SLC9A2: variants seen among roughly 807,000 people sequenced by gnomAD.
The protein encoded by SLC9A2 is solute carrier family 9 member A2, also known as sodium/hydrogen exchanger 2.
In SLC9A2, 42 loss-of-function variants were observed where a neutral mutation model predicts 71.7. The ratio of observed to expected loss-of-function variants is 0.59; its 90% CI spans 0.46 to 0.76. The LOEUF (loss-of-function observed/expected upper bound fraction) is 0.76, where lower values mean the gene tolerates loss of function less well. Ranked by LOEUF, SLC9A2 falls within the 30% of genes least tolerant of loss-of-function variation. The pLI, the probability that SLC9A2 is intolerant of heterozygous loss-of-function variation, is 0.00. For synonymous variants in SLC9A2, 396 were observed against 392.5 expected, an observed-to-expected ratio of 1.01 and a Z score of -0.10; for missense variants, 829 against 1,017.4, an observed-to-expected ratio of 0.81 and a Z score of 2.52.
At chr2:102,704,517 A>G in intron 9 of SLC9A2, 27 bp from the exon 10 acceptor site, 2 of 1,602,150 alleles carry the variant, frequency 1.2e-6, no homozygotes, top group Non-Finnish European at 1.7e-6. Flanking sequence ...TTTGTTTTTT[A>G]ATGTCCTCTA....
At chr2:102,705,811 T>C in intron 10 of SLC9A2, 35 bp from the exon 11 acceptor site, 2 of 1,286,198 alleles carry the variant, frequency 1.6e-6, no homozygotes, top group Non-Finnish European at 2.2e-6. Context: ...GTGCCATTTG[T>C]ATAGTTTAAG....
At position 102,621,771 on chromosome 2, in the gene SLC9A2, C is replaced by A. The variant is rs184327912; in HGVS notation, c.289+1634C>A. On this transcript the variant is annotated intron_variant, in intron 1 of 11. Transcript: ENST00000233969. Reference sequence around the variant, plus strand: ...TGACAAACTCAGAAAAGATAGTATGCCATTGCAGGGAAGCAGAGAACACTT... The same window carrying A: ...TGACAAACTCAGAAAAGATAGTATGACATTGCAGGGAAGCAGAGAACACTT... 1.1e-3 allele frequency among the ~76,000 whole-genome samples: 169 copies of A among 152,208 alleles called. 2 individuals are homozygous for A. Among genetic ancestry groups the A allele is most frequent in the Admixed American group, 0.011 (169 of 15,280 alleles).
At chr2:102,689,330 C>A (rs895078349) in intron 5 of SLC9A2, among the ~76,000 whole-genome samples, 2 of 152,138 alleles carry the variant, frequency 1.3e-5, no homozygotes, top group African/African-American at 4.8e-5. Context: ...TTGCTTGCAA[C>A]CCTAAGAAAT....
At chr2:102,645,096 G>A (rs6755413) in intron 1 of SLC9A2, among the ~76,000 whole-genome samples, 4,340 of 152,298 alleles carry the variant, frequency 0.028, 215 homozygotes, top group African/African-American at 0.099. Context: ...AGCTTCCAGA[G>A]GAAGGAGCAG....
intron 8 of SLC9A2, among the ~76,000 whole-genome samples, chr2:102,701,654 C>T (rs1271720358): frequency 5.9e-5 from 9 of 152,136 alleles, no homozygotes; most frequent in Admixed American, 2.0e-4. Context: ...GAACTCTAGA[C>T]AGCACTTCAG....
intron 1 of SLC9A2, among the ~76,000 whole-genome samples, chr2:102,635,486 C>A (rs2104504080): frequency 6.6e-6 from 1 of 152,278 alleles, no homozygotes; most frequent in African/African-American, 2.4e-5. Flanking sequence ...TTCTCTGTAT[C>A]CTGTTGCCCA....
At chr2:102,672,832 T>A (rs1677280380) in intron 3 of SLC9A2, among the ~76,000 whole-genome samples, 1 of 152,140 alleles carries the variant, frequency 6.6e-6, no homozygotes, top group East Asian at 1.9e-4. Flanking sequence ...ACTTATACAA[T>A]AGTCAGTATT....
At position 102,657,907 on chromosome 2, in the gene SLC9A2, C is replaced by T. The variant is rs568569378; in HGVS notation, c.633C>T (p.Gly211=). 5 of 1,614,216 alleles carry T rather than the reference C, an allele frequency of 3.1e-6. No individual in the cohort carries two copies. The Admixed American group carries it at 5.0e-5, about 16-fold the overall frequency. ...CTTTGCTCCAGAACCTGCTCTTTGG[C>T]AGCTTAATCTCAGCTGTCGATCCTG... ...DITLLQNLLF[G]SLISAVDPVA... The change falls in exon 2 of 12, where the codon GGC becomes GGT. Residue 211 remains glycine, a synonymous_variant. Coordinates refer to ENST00000233969, the MANE Select transcript of SLC9A2 (RefSeq NM_003048.6).
At chr2:102,666,099 A>T (rs1677132430) in intron 3 of SLC9A2, among the ~76,000 whole-genome samples, 1 of 151,060 alleles carries the variant, frequency 6.6e-6, no homozygotes. Context: ...TAGTCATAGA[A>T]ATATTTTGAA....
At chr2:102,688,984 CTTAGG>C (rs1366588632) in intron 5 of SLC9A2, among the ~76,000 whole-genome samples, 1 of 152,148 alleles carries the variant, frequency 6.6e-6, no homozygotes, top group Non-Finnish European at 1.5e-5. Flanking sequence ...AGTGATGTAA[CTTAGG>C]TTAAGTCACG....
At chr2:102,648,032 A>C (rs1256168738) in intron 1 of SLC9A2, among the ~76,000 whole-genome samples, 1 of 152,192 alleles carries the variant, frequency 6.6e-6, no homozygotes, top group African/African-American at 2.4e-5. Context: ...TGGCAGAGAC[A>C]CAACAAAAAA....
intron 7 of SLC9A2, among the ~76,000 whole-genome samples, chr2:102,695,834 A>G (rs1677758250): frequency 7.3e-6 from 1 of 136,404 alleles, no homozygotes; most frequent in South Asian, 2.2e-4. Context: ...TAAAAAGCTA[A>G]AATTATCTGA....
At chr2:102,630,552 G>C (rs1170173122) in intron 1 of SLC9A2, among the ~76,000 whole-genome samples, 1 of 151,516 alleles carries the variant, frequency 6.6e-6, no homozygotes, top group Non-Finnish European at 1.5e-5. Flanking sequence ...TATTTTTCTT[G>C]CTCAGAACTT....
intron 1 of SLC9A2, among the ~76,000 whole-genome samples, chr2:102,626,972 C>T (rs368060803): frequency 3.9e-5 from 6 of 152,116 alleles, no homozygotes; most frequent in African/African-American, 4.8e-5. Context: ...AAGAAGTATA[C>T]AATGAACTGT....
At position 102,701,176 on chromosome 2, in the gene SLC9A2, A is replaced by C; in HGVS notation, c.1693A>C (p.Ile565Leu). The change falls in exon 8 of 12, where the codon ATT (isoleucine) becomes CTT (leucine). Residue 565 changes from isoleucine (I) to leucine (L), a missense_variant. Transcript: ENST00000233969. ...LYKKLEIKHA[I>L]EMAETGMIST... is the part of the protein sequence containing the mutation. ...TAAAAAGCTTGAAATAAAACATGCCATTGAGATGGCAGAGACTGGGATGAT... is the reference window on the plus strand; with the variant it reads ...TAAAAAGCTTGAAATAAAACATGCCCTTGAGATGGCAGAGACTGGGATGAT... 6.2e-7 allele frequency: 1 copy of C among 1,611,818 alleles called. No individual in the cohort carries two copies.
chr2:102,619,695 G>T lies in SLC9A2; in HGVS notation c.-154G>T, dbSNP rs1406764624. On this transcript the variant is annotated 5_prime_UTR_variant, in exon 1 of 12. Coordinates refer to ENST00000233969, the MANE Select transcript of SLC9A2 (RefSeq NM_003048.6). This position sits in a 1 kb window ranked among gnomAD's most constrained non-coding sequence, Gnocchi z 4.3. ...GCTCGCAGCGAGGACCTAGCCCTCT[G>T]GTTGCAGAGACCCGGTGCCGCAGCA... The T allele has an allele frequency of 3.3e-6, 2 of 597,704 alleles. No individual in the cohort carries two copies. Among genetic ancestry groups the T allele is most frequent in the East Asian group, 6.9e-5 (2 of 29,132 alleles). 37.0% of individuals were successfully genotyped at this position (597,704 alleles called of 1,614,324 possible).
At chr2:102,706,934 G>T (rs1342486269) in intron 11 of SLC9A2, among the ~76,000 whole-genome samples, 1 of 152,188 alleles carries the variant, frequency 6.6e-6, no homozygotes, top group Non-Finnish European at 1.5e-5. Flanking sequence ...AACCCCAGAA[G>T]AACTATATTA....
At chr2:102,620,180 G>T (rs371489781) in intron 1 of SLC9A2, 43 bp downstream of exon 1, 1 of 1,543,852 alleles carries the variant, frequency 6.5e-7, no homozygotes, top group African/African-American at 1.4e-5. Flanking sequence ...GGGCGATCTC[G>T]GGGGGACACC....
intron 7 of SLC9A2, among the ~76,000 whole-genome samples, chr2:102,698,613 T>C (rs780734595): frequency 2.0e-5 from 3 of 152,224 alleles, no homozygotes; most frequent in Non-Finnish European, 2.9e-5. Context: ...CAGCTGATTC[T>C]GGCTAGATCT....
Sources: gnomAD v4.1 joint callset for allele counts (sites outside exome capture counted in the v4.1 genomes callset) on GRCh38, gnomAD v4.1.1 for gene constraint, Gnocchi (gnomAD v3.1) non-coding constraint, MANE v1.5 for transcripts, NCBI Gene and HGNC (gene_info 2026-07-23, HGNC 2026-07-21) for gene names.